The following SYT7 variants were observed in gnomAD, a reference collection of about 807,000 sequenced individuals.
The protein encoded by SYT7 is synaptotagmin 7, also known as synaptotagmin-7.
A neutral mutation model predicts 75.1 loss-of-function variants in SYT7; 29 were observed. The ratio of observed to expected loss-of-function variants is 0.39; its 90% CI spans 0.29 to 0.53. The LOEUF (loss-of-function observed/expected upper bound fraction) is 0.53, where lower values mean the gene tolerates loss of function less well. Among genes scored for constraint, SYT7 ranks in the 20% least tolerant of loss-of-function variants. The pLI is 0.77. For synonymous variants in SYT7, 376 were observed against 401.7 expected (o/e 0.94, Z 0.76); for missense variants, 693 against 953.2 (o/e 0.73, Z 3.59).
rs1344903849 is a variant in SYT7 at position 61,580,199 on chromosome 11, G to A, written c.31+591C>T. 6.7e-6 allele frequency among the ~76,000 whole-genome samples: 1 copy of A among 149,528 alleles called. No individual in the cohort carries two copies. Among genetic ancestry groups the A allele is most frequent in the Non-Finnish European group, 1.5e-5 (1 of 67,552 alleles). On this transcript the variant is annotated intron_variant, in intron 1 of 12. Coordinates refer to ENST00000539008, the MANE Select transcript of SYT7 (RefSeq NM_001365809.2). The surrounding 1 kb of genome is among the most constrained non-coding windows in gnomAD (Gnocchi z 6.1). Reference sequence around the variant, plus strand: ...GGCACCCCCATTCTCATGAGCCCCTGCTCTCTTTCCCTTCAGGCACCCCCG... The same window carrying A: ...GGCACCCCCATTCTCATGAGCCCCTACTCTCTTTCCCTTCAGGCACCCCCG...
At position 61,520,265 on chromosome 11, in the gene SYT7, C is replaced by T. The variant is rs371976152; in HGVS notation, c.1957-1534G>A. ...GTGGAGGAGTACAGTGGCTGACGCC[C>T]GTAATCCCAGCACTGTAGGAGGCCA... On this transcript the variant is annotated intron_variant, in intron 12 of 12. Transcript: ENST00000539008. Among the ~76,000 whole-genome samples the T allele has an allele frequency of 5.9e-5, 9 of 151,998 alleles. 1 individual carries two copies. The highest frequency in any genetic ancestry group is 4.6e-4 in the Admixed American group (7 of 15,266).
In SYT7 at chr11:61,551,108, G is replaced by A. The variant is rs1182328945; in HGVS notation, c.215+276C>T. Among the ~76,000 whole-genome samples the A allele has an allele frequency of 2.6e-5, 4 of 152,160 alleles. No homozygotes were observed. Among genetic ancestry groups the A allele is most frequent in the Non-Finnish European group, 5.9e-5 (4 of 68,018 alleles). Reference sequence around the variant, plus strand: ...GATAGGAGGGTGGGATGAGAAAGCGGCAACCAGGGTTGAGGTGGGCGCAGA... The same window carrying A: ...GATAGGAGGGTGGGATGAGAAAGCGACAACCAGGGTTGAGGTGGGCGCAGA... On this transcript the variant is annotated intron_variant, in intron 3 of 12. Transcript: ENST00000539008. This position sits in a 1 kb window ranked among gnomAD's most constrained non-coding sequence, Gnocchi z 5.3.
intron 1 of SYT7, among the ~76,000 whole-genome samples, chr11:61,569,682 C>G (rs75970828): frequency 6.6e-6 from 1 of 151,658 alleles, no homozygotes; most frequent in African/African-American, 2.4e-5. Flanking sequence ...GGCAGAGAGA[C>G]AGATACTGGA....
chr11:61,523,378 C>T lies in SYT7; in HGVS notation c.1757-104G>A. On this transcript the variant is annotated intron_variant, in intron 11 of 12. Coordinates refer to ENST00000539008, the MANE Select transcript of SYT7 (RefSeq NM_001365809.2). This position sits in a 1 kb window ranked among gnomAD's most constrained non-coding sequence, Gnocchi z 5.0. ...GAAGCTGAGGCAGGAGGGCCGTGTG[C>T]TTTCCCCAGAGGCAAGGAAAGACCC... 1 of 1,166,814 alleles carries T rather than the reference C, an allele frequency of 8.6e-7. No individual in the cohort carries two copies. 72.3% of individuals were successfully genotyped at this position (1,166,814 alleles called of 1,614,324 possible). A position where few individuals can be genotyped will look rare whatever the true frequency, so the allele number is the denominator to read the frequency against.
chr11:61,562,932 C>A (rs1043445147), intron 1 of SYT7, among the ~76,000 whole-genome samples: 5 of 152,132 alleles, frequency 3.3e-5, no homozygotes, highest in Non-Finnish European at 5.9e-5. Flanking sequence ...TGGGGAGCTG[C>A]AGGAGAGGGA....
At chr11:61,537,547 C>A (rs1006072983) in intron 7 of SYT7, among the ~76,000 whole-genome samples, 2 of 152,206 alleles carry the variant, frequency 1.3e-5, no homozygotes, top group African/African-American at 4.8e-5. Context: ...GCTGCCTGCA[C>A]CGCTCCGGGC....
intron 7 of SYT7, 101 bp downstream of exon 7, chr11:61,538,043 C>G (rs1306627717): frequency 3.4e-6 from 5 of 1,474,916 alleles, no homozygotes; most frequent in African/African-American, 2.8e-5. Context: ...CCGCTGAAGG[C>G]ACCACCACCT....
upstream of SYT7, chr11:61,581,185 G>C (rs1013349316): frequency 6.7e-6 from 1 of 148,216 alleles, no homozygotes; most frequent in East Asian, 2.0e-4. Flanking sequence ...GCCGAACGCC[G>C]CGGCCACAGC....
chr11:61,518,738 AG>A lies in SYT7; in HGVS notation c.1957-8del. 6.5e-7 allele frequency: 1 copy of A among 1,530,272 alleles called. No individual in the cohort carries two copies. The highest frequency in any genetic ancestry group is 1.2e-5 in the South Asian group (1 of 82,082). The allele number at this position is 1,530,272 out of a possible 1,614,324, so 94.8% of individuals were successfully genotyped here. On this transcript the variant is annotated splice_region_variant and splice_polypyrimidine_tract_variant and intron_variant, in intron 12 of 12. Coordinates refer to ENST00000539008, the MANE Select transcript of SYT7 (RefSeq NM_001365809.2). ...TCTTCCAGGACAGGTAGATCTGGGG[AG>A]AAAGGGGAGACGATGGCATCGGCAC...
chr11:61,534,377 A>G (rs774382224), intron 7 of SYT7, among the ~76,000 whole-genome samples: 1 of 150,240 alleles, frequency 6.7e-6, no homozygotes, highest in East Asian at 1.9e-4. Context: ...GCGCACACAC[A>G]CACGCACATG....
At chr11:61,531,945 T>C (rs1287650648) in intron 8 of SYT7, among the ~76,000 whole-genome samples, 2 of 148,666 alleles carry the variant, frequency 1.3e-5, no homozygotes, top group Non-Finnish European at 3.0e-5. Context: ...CGAAGGCCCA[T>C]TGACCAGGAA....
intron 7 of SYT7, among the ~76,000 whole-genome samples, chr11:61,537,009 C>A (rs1482296002): frequency 1.3e-5 from 2 of 152,240 alleles, no homozygotes; most frequent in African/African-American, 4.8e-5. Flanking sequence ...CCTGTCCAAT[C>A]CTTCACTGGA....
chr11:61,545,961 T>G, intron 5 of SYT7, 70 bp downstream of exon 5: 2 of 1,389,276 alleles, frequency 1.4e-6, no homozygotes, highest in Non-Finnish European at 9.8e-7. Flanking sequence ...ATGCCAGGGG[T>G]CCCGCTGTCC....
chr11:61,520,816 C>G (rs932168402), intron 12 of SYT7, among the ~76,000 whole-genome samples: 1 of 152,152 alleles, frequency 6.6e-6, no homozygotes, highest in African/African-American at 2.4e-5. Flanking sequence ...GAGTGAGACT[C>G]TATCTCAAAA....
At chr11:61,574,464 C>A (rs955157930) in intron 1 of SYT7, among the ~76,000 whole-genome samples, 13 of 152,170 alleles carry the variant, frequency 8.5e-5, no homozygotes, top group East Asian at 1.9e-4. Flanking sequence ...ACAAGGCTTG[C>A]TATTATCATA....
At chr11:61,578,063 G>T (rs1017035038) in intron 1 of SYT7, among the ~76,000 whole-genome samples, 3 of 152,196 alleles carry the variant, frequency 2.0e-5, no homozygotes, top group South Asian at 2.1e-4. Flanking sequence ...GAGGCTGCAG[G>T]TCTGGTCTAG....
intron 1 of SYT7, among the ~76,000 whole-genome samples, chr11:61,557,337 T>C (rs1393545476): frequency 1.3e-5 from 2 of 152,226 alleles, no homozygotes; most frequent in Admixed American, 1.3e-4. Flanking sequence ...GTGATCATGG[T>C]AATTAAGAGT....
Position 61,516,029 on chromosome 11 carries a change from C to T in SYT7, c.*2598G>A, listed in dbSNP as rs1325819919. 1 of 152,644 alleles carries T rather than the reference C, an allele frequency of 6.6e-6. No individual in the cohort carries two copies. The highest frequency in any genetic ancestry group is 2.4e-5 in the African/African-American group (1 of 41,428). 9.5% of individuals were successfully genotyped at this position (152,644 alleles called of 1,614,324 possible). The stretch of plus-strand genomic sequence containing the variant: ...GAGGTAGGTGAAGTATTATTACCAT[C>T]ATTTTACAGATGGGGAAACCGAGGC... On this transcript the variant is annotated 3_prime_UTR_variant, in exon 13 of 13. Coordinates refer to ENST00000539008, the MANE Select transcript of SYT7 (RefSeq NM_001365809.2). The surrounding 1 kb of genome is among the most constrained non-coding windows in gnomAD (Gnocchi z 4.6).
At chr11:61,522,757 C>T (rs11603956) in intron 12 of SYT7, among the ~76,000 whole-genome samples, 3,777 of 152,282 alleles carry the variant, frequency 0.025, 91 homozygotes, top group Non-Finnish European at 0.035. Flanking sequence ...ACTGCTCCAA[C>T]GTCATCATCC....
Sources: allele counts gnomAD v4.1 joint callset (sites outside exome capture counted in the v4.1 genomes callset), GRCh38; gene constraint gnomAD v4.1.1; non-coding constraint Gnocchi (gnomAD v3.1); transcripts MANE v1.5; gene names NCBI Gene and HGNC (gene_info 2026-07-23, HGNC 2026-07-21).